The following SCAMP1 variants were observed in gnomAD, a reference collection of about 807,000 sequenced individuals.
SCAMP1 encodes the protein secretory carrier membrane protein 1, also known as secretory carrier-associated membrane protein 1.
SCAMP1 carries 15 observed loss-of-function variants against 41.8 expected under a neutral mutation model. The observed-to-expected ratio is 0.36, with a 90% CI of 0.24 to 0.55. SCAMP1 has a LOEUF of 0.55. SCAMP1 is among the 20% of genes least tolerant of loss of function. The probability of loss-of-function intolerance (pLI) is 0.86; values close to 1 mark genes in which losing one functional copy is unlikely to be tolerated. For missense variants in SCAMP1, 341 were observed against 412.6 expected (o/e 0.83, Z 1.50); for synonymous variants, 135 against 136.8 (o/e 0.99, Z 0.09).
intron 7 of SCAMP1, among the ~76,000 whole-genome samples, chr5:78,458,779 C>G (rs1173102473): frequency 6.6e-6 from 1 of 152,110 alleles, no homozygotes; most frequent in Non-Finnish European, 1.5e-5. Flanking sequence ...ACTCAGGAGG[C>G]TGAGGTAGGA....
At chr5:78,379,080 C>T (rs1011519183) in intron 1 of SCAMP1, among the ~76,000 whole-genome samples, 16 of 152,110 alleles carry the variant, frequency 1.1e-4, no homozygotes, top group Non-Finnish European at 2.1e-4. Context: ...TTTCCTGCCA[C>T]AGTTTTGGAA....
chr5:78,472,780 C>G (rs1262348499), intron 8 of SCAMP1, among the ~76,000 whole-genome samples: 1 of 151,884 alleles, frequency 6.6e-6, no homozygotes, highest in Non-Finnish European at 1.5e-5. Flanking sequence ...ACTGTGAAGC[C>G]CATGAACACA....
intron 7 of SCAMP1, among the ~76,000 whole-genome samples, chr5:78,451,565 T>A (rs1427801779): frequency 6.6e-6 from 1 of 152,252 alleles, no homozygotes; most frequent in African/African-American, 2.4e-5. Context: ...GGAATCATAG[T>A]CTACAACCTT....
intron 2 of SCAMP1, among the ~76,000 whole-genome samples, chr5:78,393,895 G>C (rs904044187): frequency 5.9e-5 from 9 of 152,104 alleles, no homozygotes; most frequent in Admixed American, 5.2e-4. Context: ...TGTGGCTTTA[G>C]ACAGAATTTT....
At chr5:78,471,080 T>C (rs1374678373) in intron 8 of SCAMP1, among the ~76,000 whole-genome samples, 3 of 152,106 alleles carry the variant, frequency 2.0e-5, no homozygotes, top group Non-Finnish European at 4.4e-5. Context: ...TTTTAGGGGG[T>C]GTAACAATGA....
At chr5:78,397,861 G>GC (rs1751690629) in intron 2 of SCAMP1, among the ~76,000 whole-genome samples, 1 of 152,204 alleles carries the variant, frequency 6.6e-6, no homozygotes, top group Non-Finnish European at 1.5e-5. Flanking sequence ...GTTCAACATT[G>GC]TTAGCTGTCA....
intron 2 of SCAMP1, among the ~76,000 whole-genome samples, chr5:78,392,911 T>C (rs1580660170): frequency 6.6e-6 from 1 of 152,112 alleles, no homozygotes; most frequent in East Asian, 1.9e-4. Context: ...AGTTAATTGG[T>C]GGTATTCGTA....
At chr5:78,419,022 A>G in intron 5 of SCAMP1, 119 bp downstream of exon 5, 1 of 821,314 alleles carries the variant, frequency 1.2e-6, no homozygotes, top group South Asian at 1.8e-5. Flanking sequence ...ATAAAGCTTA[A>G]TAATCATGAT....
At chr5:78,372,206 T>C (rs1283390161) in intron 1 of SCAMP1, among the ~76,000 whole-genome samples, 1 of 152,230 alleles carries the variant, frequency 6.6e-6, no homozygotes, top group East Asian at 1.9e-4. Flanking sequence ...GTTAGAATTC[T>C]TATATGATAA....
chr5:78,424,899 A>G (rs1752429037), intron 6 of SCAMP1, among the ~76,000 whole-genome samples: 1 of 152,242 alleles, frequency 6.6e-6, no homozygotes, highest in Non-Finnish European at 1.5e-5. Flanking sequence ...TATTTGCATA[A>G]TGCTTAGTGA....
At position 78,442,891 on chromosome 5, in the gene SCAMP1, T is replaced by A. The variant is rs1752961552; in HGVS notation, c.633-7042T>A. Among the ~76,000 whole-genome samples the A allele has an allele frequency of 2.6e-5, 4 of 152,110 alleles. No homozygotes were observed. The South Asian group carries it at 8.3e-4, about 31-fold the overall frequency. On this transcript the variant is annotated intron_variant, in intron 6 of 8. Coordinates refer to ENST00000621999, the MANE Select transcript of SCAMP1 (RefSeq NM_004866.6). ...TGGAATTGAAATATTATCTTAGAGGTAGTTTTATCACTTGGTTAAGAATTT... is the reference window on the plus strand; with the variant it reads ...TGGAATTGAAATATTATCTTAGAGGAAGTTTTATCACTTGGTTAAGAATTT...
intron 6 of SCAMP1, among the ~76,000 whole-genome samples, chr5:78,428,617 A>G (rs894848172): frequency 6.6e-6 from 1 of 151,900 alleles, no homozygotes; most frequent in Admixed American, 6.6e-5. Context: ...TAAATTTTGG[A>G]CTCAGCCTGT....
chr5:78,400,415 A>T (rs1358888160), intron 2 of SCAMP1, among the ~76,000 whole-genome samples: 1 of 152,136 alleles, frequency 6.6e-6, no homozygotes, highest in Non-Finnish European at 1.5e-5. Flanking sequence ...ACTTGCTGGG[A>T]TTTTGATTGG....
chr5:78,383,222 G>A (rs1272904670), intron 1 of SCAMP1, among the ~76,000 whole-genome samples: 1 of 151,992 alleles, frequency 6.6e-6, no homozygotes, highest in East Asian at 1.9e-4. Context: ...ATGTTTATGG[G>A]CCATTTGTAC....
At chr5:78,390,168 G>T (rs561206035) in intron 2 of SCAMP1, among the ~76,000 whole-genome samples, 1 of 152,132 alleles carries the variant, frequency 6.6e-6, no homozygotes, top group Non-Finnish European at 1.5e-5. Context: ...TCTAGATGGT[G>T]TCCAAAGAGT....
chr5:78,370,686 G>GAT (rs1750921541), intron 1 of SCAMP1: 2 of 152,106 alleles, frequency 1.3e-5, no homozygotes, highest in South Asian at 4.1e-4. Context: ...TTCTTTTGGG[G>GAT]ATATATACCT....
At chr5:78,370,973 T>C (rs186611756) in intron 1 of SCAMP1, among the ~76,000 whole-genome samples, 6 of 152,290 alleles carry the variant, frequency 3.9e-5, no homozygotes, top group Admixed American at 3.3e-4. Context: ...CATATTTTCT[T>C]TGATGTCTGT....
intron 6 of SCAMP1, among the ~76,000 whole-genome samples, chr5:78,447,660 A>G (rs1328782258): frequency 1.3e-5 from 2 of 150,774 alleles, no homozygotes; most frequent in African/African-American, 2.4e-5. Context: ...AAAAAACAGG[A>G]AAAAAAAAAT....
chr5:78,434,570 T>TC lies in SCAMP1; in HGVS notation c.632+12611dup, dbSNP rs544004716. 6.1e-3 allele frequency among the ~76,000 whole-genome samples: 719 copies of TC among 118,370 alleles called. 7 individuals are homozygous for TC. Among genetic ancestry groups the TC allele is most frequent in the African/African-American group, 0.023 (688 of 30,384 alleles). The allele number at this position is 118,370 out of a possible 152,430, so 77.7% of individuals were successfully genotyped here. A position where few individuals can be genotyped will look rare whatever the true frequency, so the allele number is the denominator to read the frequency against. ...TTTCTTCCTTCCTTTTCCTCCTCCT[T>TC]CTTCAGAAGTTTTAAAAGCACTTTA... On this transcript the variant is annotated intron_variant, in intron 6 of 8. Transcript: ENST00000621999.
Sources: gnomAD v4.1 joint callset for allele counts (sites outside exome capture counted in the v4.1 genomes callset) on GRCh38, gnomAD v4.1.1 for gene constraint, MANE v1.5 for transcripts, NCBI Gene and HGNC (gene_info 2026-07-23, HGNC 2026-07-21) for gene names.